The following SLC35F3 variants were observed in gnomAD, a reference collection of about 807,000 sequenced individuals.
SLC35F3 encodes putative thiamine transporter SLC35F3.
SLC35F3 carries 25 observed loss-of-function variants against 49.9 expected under a neutral mutation model. That is an observed-to-expected ratio of 0.50 (90% CI 0.37 to 0.70). The LOEUF (loss-of-function observed/expected upper bound fraction) is 0.70. SLC35F3 is among the 30% of genes least tolerant of loss of function. The probability of loss-of-function intolerance (pLI) is 0.00; values close to 1 mark genes in which losing one functional copy is unlikely to be tolerated. For synonymous variants in SLC35F3, 275 were observed against 265.4 expected, an observed-to-expected ratio of 1.04 and a Z score of -0.35; for missense variants, 525 against 639.8, an observed-to-expected ratio of 0.82 and a Z score of 1.94.
intron 3 of SLC35F3, among the ~76,000 whole-genome samples, chr1:234,262,905 C>G (rs1667927322): frequency 6.6e-6 from 1 of 152,150 alleles, no homozygotes; most frequent in South Asian, 2.1e-4. Flanking sequence ...GGCAAACAGC[C>G]CTTTGACTAA....
chr1:233,976,876 G>C (rs969917885), intron 2 of SLC35F3, among the ~76,000 whole-genome samples: 1 of 152,188 alleles, frequency 6.6e-6, no homozygotes, highest in African/African-American at 2.4e-5. Context: ...CTCCCCAAGT[G>C]CTGGAATTAC....
intron 2 of SLC35F3, among the ~76,000 whole-genome samples, chr1:233,921,890 G>T (rs1260769131): frequency 6.6e-6 from 1 of 151,392 alleles, no homozygotes; most frequent in Non-Finnish European, 1.5e-5. Flanking sequence ...GAGAACATGG[G>T]TATTTGGTTT....
intron 2 of SLC35F3, among the ~76,000 whole-genome samples, chr1:234,197,024 T>C (rs545742960): frequency 6.6e-6 from 1 of 152,346 alleles, no homozygotes; most frequent in East Asian, 1.9e-4. Flanking sequence ...ATAACTGCTG[T>C]CAGTAAAGGA....
intron 2 of SLC35F3, among the ~76,000 whole-genome samples, chr1:233,917,239 A>G (rs1432393799): frequency 6.6e-6 from 1 of 152,180 alleles, no homozygotes; most frequent in Non-Finnish European, 1.5e-5. Flanking sequence ...TTTTCAATCA[A>G]CAATGACCAG....
In SLC35F3 at chr1:234,183,555, G is replaced by A. The variant is rs547157387; in HGVS notation, c.284-47862G>A. On this transcript the variant is annotated intron_variant, in intron 2 of 7. Transcript: ENST00000366618. Reference sequence around the variant, plus strand: ...GACATGAAATAGACCTTCAGTGAGTGTATATGCATAAATACGTAGCAGGCT... The same window carrying A: ...GACATGAAATAGACCTTCAGTGAGTATATATGCATAAATACGTAGCAGGCT... 3.0e-4 allele frequency among the ~76,000 whole-genome samples: 43 copies of A among 142,872 alleles called. 3 individuals are homozygous for A. The highest frequency in any genetic ancestry group is 9.9e-4 in the African/African-American group (41 of 41,242). The allele number at this position is 142,872 out of a possible 152,430, so 93.7% of individuals were successfully genotyped here. A position where few individuals can be genotyped will look rare whatever the true frequency, so the allele number is the denominator to read the frequency against.
At chr1:233,918,467 A>C (rs1662005953) in intron 2 of SLC35F3, among the ~76,000 whole-genome samples, 1 of 152,272 alleles carries the variant, frequency 6.6e-6, no homozygotes, top group Non-Finnish European at 1.5e-5. Flanking sequence ...TTTTGGAGCC[A>C]GTTGGGAAAA....
At position 234,320,386 on chromosome 1, in the gene SLC35F3, T is replaced by C. The variant is rs528545607; in HGVS notation, c.1237+199T>C. ...TGCTCTGCCTGCTATAGAATGCGTG[T>C]TTAACTGTCTGCCAAAAAAAAAGCA... On this transcript the variant is annotated intron_variant, in intron 7 of 7. Transcript: ENST00000366618. This position sits in a 1 kb window ranked among gnomAD's most constrained non-coding sequence, Gnocchi z 4.8. 6.6e-6 allele frequency among the ~76,000 whole-genome samples: 1 copy of C among 152,016 alleles called. No homozygotes were observed. Among genetic ancestry groups the C allele is most frequent in the South Asian group, 2.1e-4 (1 of 4,808 alleles).
In SLC35F3 at chr1:234,046,618, T is replaced by C. The variant is rs753148393; in HGVS notation, c.283+140860T>C. Among the ~76,000 whole-genome samples, 6 of 152,202 alleles carry C rather than the reference T, an allele frequency of 3.9e-5. No individual in the cohort carries two copies. The highest frequency in any genetic ancestry group is 5.9e-5 in the Non-Finnish European group (4 of 68,012). On this transcript the variant is annotated intron_variant, in intron 2 of 7. Transcript: ENST00000366618. The surrounding 1 kb of genome is among the most constrained non-coding windows in gnomAD (Gnocchi z 4.4). ...TAATATTTATGAATGATTTTACTCA[T>C]GGTTTATACTTTTTCATATATACAT...
At chr1:234,130,198 C>T (rs1377979521) in intron 2 of SLC35F3, among the ~76,000 whole-genome samples, 1 of 152,016 alleles carries the variant, frequency 6.6e-6, no homozygotes, top group Non-Finnish European at 1.5e-5. Flanking sequence ...TTAAAATGGA[C>T]CAAACAACCA....
intron 2 of SLC35F3, among the ~76,000 whole-genome samples, chr1:234,073,757 T>C (rs1293905349): frequency 6.6e-6 from 1 of 152,178 alleles, no homozygotes; most frequent in Non-Finnish European, 1.5e-5. Flanking sequence ...CCACTGGACT[T>C]TTTTCTCTTC....
intron 3 of SLC35F3, among the ~76,000 whole-genome samples, chr1:234,249,223 C>T (rs1667697777): frequency 6.6e-6 from 1 of 152,192 alleles, no homozygotes; most frequent in African/African-American, 2.4e-5. Context: ...TCATCCTTAT[C>T]ACCACCTCCA....
intron 3 of SLC35F3, among the ~76,000 whole-genome samples, chr1:234,273,555 G>A (rs142722404): frequency 8.8e-4 from 134 of 152,328 alleles, no homozygotes; most frequent in African/African-American, 3.1e-3. Flanking sequence ...TTTCAGGATC[G>A]TGAAAATTTG....
intron 2 of SLC35F3, among the ~76,000 whole-genome samples, chr1:234,120,735 T>C (rs1312131489): frequency 6.6e-6 from 1 of 152,248 alleles, no homozygotes; most frequent in African/African-American, 2.4e-5. Context: ...GACCTCCTTA[T>C]ATGAGTCACC....
chr1:234,049,254 T>C (rs1664338190), intron 2 of SLC35F3, among the ~76,000 whole-genome samples: 1 of 151,990 alleles, frequency 6.6e-6, no homozygotes, highest in Non-Finnish European at 1.5e-5. Context: ...ATAATTAAGG[T>C]TAAATTATGT....
At chr1:234,230,421 CTT>C (rs1667349978) in intron 2 of SLC35F3, among the ~76,000 whole-genome samples, 1 of 152,222 alleles carries the variant, frequency 6.6e-6, no homozygotes, top group Admixed American at 6.5e-5. Flanking sequence ...AAAATGGCCT[CTT>C]AGCACTAATG....
In SLC35F3 at chr1:233,940,092, C is replaced by A. The variant is rs187773061; in HGVS notation, c.283+34334C>A. 1.7e-3 allele frequency among the ~76,000 whole-genome samples: 261 copies of A among 152,306 alleles called. 1 individual carries two copies. Among genetic ancestry groups the A allele is most frequent in the African/African-American group, 6.1e-3 (254 of 41,566 alleles). Reference sequence around the variant, plus strand: ...TATTATGGGCATCCACACTCAGTCACATACATTCACACATGCAGTTTTTGC... The same window carrying A: ...TATTATGGGCATCCACACTCAGTCAAATACATTCACACATGCAGTTTTTGC... On this transcript the variant is annotated intron_variant, in intron 2 of 7. Transcript: ENST00000366618.
chr1:234,173,916 G>A (rs916492276), intron 2 of SLC35F3, among the ~76,000 whole-genome samples: 1 of 152,186 alleles, frequency 6.6e-6, no homozygotes, highest in Non-Finnish European at 1.5e-5. Context: ...GCTTGGGAGC[G>A]ATTTTCTCCT....
intron 2 of SLC35F3, among the ~76,000 whole-genome samples, chr1:234,148,596 G>A (rs920920847): frequency 1.9e-4 from 29 of 152,166 alleles, no homozygotes; most frequent in Admixed American, 7.2e-4. Context: ...TTACAACAGT[G>A]TATCATGAAA....
At chr1:234,034,859 G>A (rs1664118371) in intron 2 of SLC35F3, among the ~76,000 whole-genome samples, 1 of 152,138 alleles carries the variant, frequency 6.6e-6, no homozygotes, top group South Asian at 2.1e-4. Flanking sequence ...TATGTCATGA[G>A]TAACCTTTTA....
Sources: gnomAD v4.1 joint callset for allele counts (sites outside exome capture counted in the v4.1 genomes callset) on GRCh38, gnomAD v4.1.1 for gene constraint, Gnocchi (gnomAD v3.1) non-coding constraint, MANE v1.5 for transcripts, NCBI Gene and HGNC (gene_info 2026-07-23, HGNC 2026-07-21) for gene names.